KCNMB2: variants seen among roughly 807,000 people sequenced by gnomAD.
KCNMB2 encodes the protein calcium-activated potassium channel subunit beta-2.
A neutral mutation model predicts 24.5 loss-of-function variants in KCNMB2; 9 were observed. That is an observed-to-expected ratio of 0.37 (90% CI 0.22 to 0.64). KCNMB2 has a LOEUF of 0.64. KCNMB2 is among the 30% of genes least tolerant of loss of function. The pLI, the probability that KCNMB2 is intolerant of heterozygous loss-of-function variation, is 0.63. For missense variants in KCNMB2, 226 were observed against 284.3 expected (o/e 0.79, Z 1.47); for synonymous variants, 109 against 104.4 (o/e 1.04, Z -0.27).
intron 1 of KCNMB2, among the ~76,000 whole-genome samples, chr3:178,602,635 A>G (rs12490372): frequency 0.12 from 18,000 of 151,996 alleles, 1,212 homozygotes; most frequent in Middle Eastern, 0.24. Flanking sequence ...CCAGGTGGAA[A>G]GGAAGAATGG....
In KCNMB2 at chr3:178,756,138, T is replaced by C. The variant is rs137913259; in HGVS notation, c.-67-51205T>C. 5.0e-3 allele frequency among the ~76,000 whole-genome samples: 756 copies of C among 152,250 alleles called. 7 individuals are homozygous for C. The highest frequency in any genetic ancestry group is 0.017 in the African/African-American group (722 of 41,552). The stretch of plus-strand genomic sequence containing the variant: ...GTTAAAATAGAAAAAAAGCAAATTA[T>C]AAAATTGTGAAAAGCATGATCCCAT... On this transcript the variant is annotated intron_variant, in intron 1 of 4. Coordinates refer to ENST00000452583, the MANE Select transcript of KCNMB2 (RefSeq NM_181361.3).
chr3:178,705,120 C>G (rs1398175283), intron 1 of KCNMB2, among the ~76,000 whole-genome samples: 1 of 152,128 alleles, frequency 6.6e-6, no homozygotes, highest in Non-Finnish European at 1.5e-5. Context: ...CAACCCCAAT[C>G]CTCAAGCTGG....
At chr3:178,767,854 T>C (rs1379465419) in intron 1 of KCNMB2, among the ~76,000 whole-genome samples, 1 of 152,220 alleles carries the variant, frequency 6.6e-6, no homozygotes, top group Non-Finnish European at 1.5e-5. Flanking sequence ...TTTGTGGCTC[T>C]TCAGCCATGG....
At chr3:178,775,624 T>C (rs1045483349) in intron 1 of KCNMB2, among the ~76,000 whole-genome samples, 2 of 152,234 alleles carry the variant, frequency 1.3e-5, no homozygotes. Context: ...TCATACCAAA[T>C]AGCTACCCTT....
chr3:178,772,250 T>C (rs1712400766), intron 1 of KCNMB2, among the ~76,000 whole-genome samples: 1 of 152,336 alleles, frequency 6.6e-6, no homozygotes, highest in South Asian at 2.1e-4. Flanking sequence ...GCCTTTTATG[T>C]AGGTAGAAAA....
At chr3:178,789,655 T>G (rs1425882922) in intron 1 of KCNMB2, among the ~76,000 whole-genome samples, 1 of 152,012 alleles carries the variant, frequency 6.6e-6, no homozygotes, top group Non-Finnish European at 1.5e-5. Flanking sequence ...CCTGTCACAG[T>G]GGAAAACAAC....
At chr3:178,826,377 C>A (rs974807249) in intron 3 of KCNMB2, among the ~76,000 whole-genome samples, 4 of 152,172 alleles carry the variant, frequency 2.6e-5, no homozygotes, top group African/African-American at 9.7e-5. Context: ...TTCTAATGGG[C>A]CTTCTAGGCT....
intron 1 of KCNMB2, among the ~76,000 whole-genome samples, chr3:178,756,923 G>A (rs1252356185): frequency 3.3e-5 from 5 of 151,734 alleles, no homozygotes; most frequent in Non-Finnish European, 7.4e-5. Flanking sequence ...CAGCACTTCA[G>A]CAGTACTCTT....
intron 1 of KCNMB2, among the ~76,000 whole-genome samples, chr3:178,696,936 T>C (rs1022475080): frequency 6.6e-6 from 1 of 152,224 alleles, no homozygotes; most frequent in Admixed American, 6.5e-5. Flanking sequence ...TTCTTAGTCT[T>C]GATTTGAATT....
chr3:178,648,315 A>C (rs144854204), intron 1 of KCNMB2, among the ~76,000 whole-genome samples: 2 of 152,320 alleles, frequency 1.3e-5, no homozygotes, highest in East Asian at 1.9e-4. Context: ...AGGCAAGAGG[A>C]TCACCTGAGG....
At chr3:178,593,061 G>A (rs1302338366) in intron 1 of KCNMB2, among the ~76,000 whole-genome samples, 3 of 151,944 alleles carry the variant, frequency 2.0e-5, no homozygotes, top group Admixed American at 2.0e-4. Flanking sequence ...GTTGGGGAGT[G>A]GGGTGTTGTA....
At chr3:178,723,154 C>T (rs764587829) in intron 1 of KCNMB2, among the ~76,000 whole-genome samples, 4 of 152,064 alleles carry the variant, frequency 2.6e-5, no homozygotes, top group East Asian at 1.9e-4. Context: ...TAATATAATT[C>T]CTCCAACTTA....
intron 1 of KCNMB2, among the ~76,000 whole-genome samples, chr3:178,684,464 G>A (rs1721387643): frequency 1.3e-5 from 2 of 152,006 alleles, no homozygotes; most frequent in African/African-American, 4.8e-5. Context: ...TGGGATTTGT[G>A]CCAAATAAGT....
chr3:178,726,214 T>A (rs1285451133), intron 1 of KCNMB2, among the ~76,000 whole-genome samples: 2 of 151,932 alleles, frequency 1.3e-5, no homozygotes, highest in Admixed American at 6.6e-5. Flanking sequence ...ATAGGTTCCT[T>A]TATCTTCCCC....
intron 1 of KCNMB2, among the ~76,000 whole-genome samples, chr3:178,624,562 A>G (rs1176657857): frequency 6.6e-6 from 1 of 150,864 alleles, no homozygotes; most frequent in African/African-American, 2.4e-5. Context: ...GCTTTTAGAA[A>G]GATTCAGTAG....
intron 1 of KCNMB2, among the ~76,000 whole-genome samples, chr3:178,657,921 T>C (rs950462249): frequency 2.6e-5 from 4 of 152,196 alleles, no homozygotes; most frequent in African/African-American, 7.2e-5. Flanking sequence ...AAGAAAGCAA[T>C]GCATCCTAAT....
intron 1 of KCNMB2, among the ~76,000 whole-genome samples, chr3:178,756,884 A>T (rs2108395375): frequency 6.6e-6 from 1 of 152,130 alleles, no homozygotes; most frequent in East Asian, 1.9e-4. Flanking sequence ...AATGCACATC[A>T]CAGCTTTCCT....
At position 178,824,888 on chromosome 3, in the gene KCNMB2, T is replaced by G. The variant is rs146481823; in HGVS notation, c.57-700T>G. 8.9e-4 allele frequency among the ~76,000 whole-genome samples: 135 copies of G among 152,300 alleles called. 1 individual carries two copies. In the East Asian group the frequency reaches 0.015, roughly 17 times the overall value. On this transcript the variant is annotated intron_variant, in intron 2 of 4. Coordinates refer to ENST00000452583, the MANE Select transcript of KCNMB2 (RefSeq NM_181361.3). ...CTTGTTCTTTCTTACCCTACATTGCTGCTCTAAAATAAAAAACAAAAATAC... is the reference window on the plus strand; with the variant it reads ...CTTGTTCTTTCTTACCCTACATTGCGGCTCTAAAATAAAAAACAAAAATAC...
intron 1 of KCNMB2, among the ~76,000 whole-genome samples, chr3:178,778,324 T>A (rs895028179): frequency 6.6e-6 from 1 of 152,040 alleles, no homozygotes; most frequent in Non-Finnish European, 1.5e-5. Context: ...AATTCTATTT[T>A]AAAAATAAAA....
Sources: gnomAD v4.1 joint callset for allele counts (sites outside exome capture counted in the v4.1 genomes callset) on GRCh38, gnomAD v4.1.1 for gene constraint, MANE v1.5 for transcripts, NCBI Gene and HGNC (gene_info 2026-07-23, HGNC 2026-07-21) for gene names.